CNTN4: variants seen among roughly 807,000 people sequenced by gnomAD.
CNTN4 encodes the protein contactin-4.
CNTN4 carries 77 observed loss-of-function variants against 122.5 expected under a neutral mutation model. The observed-to-expected ratio is 0.63, with a 90% CI of 0.52 to 0.76. CNTN4 has a LOEUF of 0.76. Among genes scored for constraint, CNTN4 ranks in the 30% least tolerant of loss-of-function variants. The pLI, the probability that CNTN4 is intolerant of heterozygous loss-of-function variation, is 0.00. For missense variants in CNTN4, 1,256 were observed against 1,259.1 expected (o/e 1.00, Z 0.04); for synonymous variants, 512 against 447.0 (o/e 1.15, Z -1.83).
At chr3:2,781,783 A>C (rs7648731) in intron 6 of CNTN4, among the ~76,000 whole-genome samples, 6 of 115,996 alleles carry the variant, frequency 5.2e-5, no homozygotes, top group Non-Finnish European at 9.8e-5. Flanking sequence ...GGAGGGCAGT[A>C]GCGCGATCTC....
chr3:2,310,735 G>A (rs551798378), intron 2 of CNTN4, among the ~76,000 whole-genome samples: 9 of 152,184 alleles, frequency 5.9e-5, no homozygotes, highest in Non-Finnish European at 1.0e-4. Context: ...GATTATCTGT[G>A]TATATGAAAG....
At chr3:2,575,853 G>A (rs2149523384) in intron 4 of CNTN4, among the ~76,000 whole-genome samples, 1 of 124,006 alleles carries the variant, frequency 8.1e-6, no homozygotes, top group African/African-American at 3.1e-5. Flanking sequence ...AGAGAGTCTG[G>A]CTCTGCTGCC....
intron 8 of CNTN4, among the ~76,000 whole-genome samples, chr3:2,874,732 C>T (rs180758832): frequency 7.2e-5 from 11 of 152,166 alleles, no homozygotes; most frequent in South Asian, 2.1e-4. Flanking sequence ...GTGAAGAAAC[C>T]GGGCCTGGTC....
chr3:2,523,373 C>A (rs55841368), intron 3 of CNTN4, among the ~76,000 whole-genome samples: 78,558 of 122,706 alleles, frequency 0.64, 21,691 homozygotes, highest in East Asian at 0.79. Flanking sequence ...AAAAAAAAAA[C>A]AAAACTTTTT....
chr3:2,654,598 G>C (rs2083499942), intron 4 of CNTN4, among the ~76,000 whole-genome samples: 2 of 152,134 alleles, frequency 1.3e-5, no homozygotes, highest in South Asian at 2.1e-4. Context: ...GCCTAGTCAG[G>C]TCAGTCCACA....
chr3:2,183,080 G>A (rs562668084), intron 2 of CNTN4, among the ~76,000 whole-genome samples: 1 of 152,062 alleles, frequency 6.6e-6, no homozygotes, highest in African/African-American at 2.4e-5. Flanking sequence ...TATACATTCA[G>A]TCTTTTAGGA....
Position 2,400,450 on chromosome 3 carries a change from T to TA in CNTN4, c.-89+61217_-89+61218insA, listed in dbSNP as rs71058616. Among the ~76,000 whole-genome samples, 118 of 131,644 alleles carry TA rather than the reference T, an allele frequency of 9.0e-4. 3 individuals carry two copies. The highest frequency in any genetic ancestry group is 1.3e-3 in the Non-Finnish European group (79 of 60,848). The allele number at this position is 131,644 out of a possible 152,430, so 86.4% of individuals were successfully genotyped here. A position where few individuals can be genotyped will look rare whatever the true frequency, so the allele number is the denominator to read the frequency against. ...ATACATATATATATATATATATATA[T>TA]CTCTTTTTTTCCTTCTTCTTAAATT... On this transcript the variant is annotated intron_variant, in intron 3 of 24. Coordinates refer to ENST00000418658, the MANE Select transcript of CNTN4 (RefSeq NM_175607.3).
intron 3 of CNTN4, among the ~76,000 whole-genome samples, chr3:2,440,877 A>ATATG (rs1024579526): frequency 2.6e-4 from 38 of 144,818 alleles, no homozygotes; most frequent in Non-Finnish European, 5.7e-4. Flanking sequence ...ATATATGTAT[A>ATATG]TATGTATATA....
intron 2 of CNTN4, among the ~76,000 whole-genome samples, chr3:2,280,895 T>G (rs973277605): frequency 2.0e-5 from 3 of 152,184 alleles, no homozygotes; most frequent in Admixed American, 6.5e-5. Context: ...CACGTCACAC[T>G]GGCATCAACC....
intron 2 of CNTN4, among the ~76,000 whole-genome samples, chr3:2,279,789 ATATT>A (rs1364288217): frequency 6.6e-6 from 1 of 151,620 alleles, no homozygotes. Context: ...ATCTATATAT[ATATT>A]CTGTCTAAAA....
At chr3:2,758,707 G>A (rs536013308) in intron 6 of CNTN4, among the ~76,000 whole-genome samples, 4 of 151,828 alleles carry the variant, frequency 2.6e-5, no homozygotes, top group South Asian at 2.1e-4. Context: ...GGGTTTCACC[G>A]TGTTGGCCTG....
rs570337358 is a variant in CNTN4, at chr3:2,536,002, A to G, written c.-88-35414A>G. 2.0e-5 allele frequency among the ~76,000 whole-genome samples: 3 copies of G among 152,272 alleles called. No individual in the cohort carries two copies. In the East Asian group the frequency reaches 5.8e-4, roughly 30 times the overall value. On this transcript the variant is annotated intron_variant, in intron 3 of 24. Coordinates refer to ENST00000418658, the MANE Select transcript of CNTN4 (RefSeq NM_175607.3). ...GCCCACCGTTTTGCTATTAGTGCCA[A>G]GAAAGAACAATGAGTAGATTTTCTG... is the stretch of plus-strand genomic sequence containing the variant.
At chr3:2,481,554 C>T (rs2076007282) in intron 3 of CNTN4, among the ~76,000 whole-genome samples, 1 of 152,074 alleles carries the variant, frequency 6.6e-6, no homozygotes, top group Non-Finnish European at 1.5e-5. Flanking sequence ...AAAAAATTAA[C>T]CCAAAATGGA....
chr3:2,268,909 A>G (rs2041160274), intron 2 of CNTN4, among the ~76,000 whole-genome samples: 1 of 151,956 alleles, frequency 6.6e-6, no homozygotes, highest in African/African-American at 2.4e-5. Flanking sequence ...TCCTTTTTAT[A>G]TATGTGGGGA....
chr3:2,632,720 C>A (rs1182527600), intron 4 of CNTN4, among the ~76,000 whole-genome samples: 3 of 152,050 alleles, frequency 2.0e-5, no homozygotes, highest in Admixed American at 2.0e-4. Context: ...TATATGCCAG[C>A]CACATTGAAT....
chr3:2,708,683 A>G (rs1559413045), intron 4 of CNTN4, among the ~76,000 whole-genome samples: 4 of 150,450 alleles, frequency 2.7e-5, no homozygotes, highest in Admixed American at 6.7e-5. Context: ...ATTCCCTCCT[A>G]CCCAGAGAGC....
At chr3:2,980,003 C>A (rs1693809241) in intron 13 of CNTN4, among the ~76,000 whole-genome samples, 1 of 152,148 alleles carries the variant, frequency 6.6e-6, no homozygotes. Flanking sequence ...AAGACCCCCC[C>A]AAAAGAAAAG....
intron 3 of CNTN4, among the ~76,000 whole-genome samples, chr3:2,507,101 T>C (rs1306182368): frequency 6.6e-6 from 1 of 152,202 alleles, no homozygotes; most frequent in East Asian, 1.9e-4. Flanking sequence ...CTACTGCAGC[T>C]ATATGTAGAG....
At chr3:2,746,224 A>C (rs996001096) in intron 6 of CNTN4, among the ~76,000 whole-genome samples, 1 of 152,228 alleles carries the variant, frequency 6.6e-6, no homozygotes, top group Non-Finnish European at 1.5e-5. Flanking sequence ...TCAGTAGTCA[A>C]TTAATCCTAC....
Sources: gnomAD v4.1 joint callset for allele counts (sites outside exome capture counted in the v4.1 genomes callset) on GRCh38, gnomAD v4.1.1 for gene constraint, MANE v1.5 for transcripts, NCBI Gene and HGNC (gene_info 2026-07-23, HGNC 2026-07-21) for gene names.